Variants in PCGF2 observed in about 807,000 individuals in gnomAD.
PCGF2 encodes the protein polycomb group RING finger protein 2.
Under a neutral mutation model 36.1 loss-of-function variants are expected in PCGF2, and 8 were observed. The observed-to-expected ratio is 0.22, with a 90% confidence interval of 0.13 to 0.40. PCGF2 has a LOEUF of 0.40. Ranked by LOEUF, PCGF2 falls within the 10% of genes least tolerant of loss-of-function variation. The probability of loss-of-function intolerance (pLI) is 1.00; values close to 1 mark genes in which losing one functional copy is unlikely to be tolerated. For missense variants in PCGF2, 436 were observed against 475.9 expected (o/e 0.92, Z 0.78); for synonymous variants, 198 against 191.2 (o/e 1.04, Z -0.29).
upstream of PCGF2, among the ~76,000 whole-genome samples, chr17:38,748,612 C>T (rs1041981721): frequency 6.6e-6 from 1 of 152,124 alleles, no homozygotes; most frequent in African/African-American, 2.4e-5. Context: ...AGGATGGATT[C>T]TCTTATGTTA....
chr17:38,742,084 C>G (rs1338195143), intron 2 of PCGF2, among the ~76,000 whole-genome samples: 2 of 152,220 alleles, frequency 1.3e-5, no homozygotes, highest in African/African-American at 4.8e-5. Flanking sequence ...TGCTCGACAC[C>G]AGCCAGGCCC....
chr17:38,744,724 A>G (rs1316300551), intron 2 of PCGF2, among the ~76,000 whole-genome samples: 5 of 152,032 alleles, frequency 3.3e-5, no homozygotes, highest in African/African-American at 1.2e-4. Context: ...TCACTTCTTC[A>G]TGGTCCCCTG....
Position 38,739,994 on chromosome 17 carries a change from G to C in PCGF2, c.112+297C>G, listed in dbSNP as rs1049385253. ...TGCCTCTGAGTCCCACCCCCCTGCT[G>C]CCAAGCCCACAGTGCAAACAAGGGG... On this transcript the variant is annotated intron_variant, in intron 3 of 10. Transcript: ENST00000620225. This position sits in a 1 kb window ranked among gnomAD's most constrained non-coding sequence, Gnocchi z 4.0. 2.6e-5 allele frequency among the ~76,000 whole-genome samples: 4 copies of C among 152,210 alleles called. No homozygotes were observed. Among genetic ancestry groups the C allele is most frequent in the Non-Finnish European group, 5.9e-5 (4 of 68,034 alleles).
intron 10 of PCGF2, 63 bp downstream of exon 10, chr17:38,736,027 G>T: frequency 9.0e-7 from 1 of 1,107,360 alleles, no homozygotes; most frequent in Non-Finnish European, 1.3e-6. Flanking sequence ...GGCCCATGTG[G>T]CCACAGACCT....
At position 38,735,418 on chromosome 17, in the gene PCGF2, G is replaced by A; in HGVS notation, c.840C>T (p.Ala280=). The change falls in exon 11 of 11, where the codon GCC becomes GCT. Residue 280 remains alanine, a synonymous_variant. Coordinates refer to ENST00000620225, the MANE Select transcript of PCGF2 (RefSeq NM_007144.3). ...PATSSSLPSP[A]TPSHGSPSSH... ...AACTGGGAGAGCCATGGGATGGGGT[G>A]GCTGGGCTGGGCAGGGAGGAGGAGG... The A allele has an allele frequency of 6.4e-7, 1 of 1,574,576 alleles. No individual in the cohort carries two copies. Among genetic ancestry groups the A allele is most frequent in the South Asian group, 1.2e-5 (1 of 86,088 alleles).
At chr17:38,740,719 A>T (rs991777142) in intron 2 of PCGF2, among the ~76,000 whole-genome samples, 17 of 152,142 alleles carry the variant, frequency 1.1e-4, no homozygotes, top group Non-Finnish European at 2.5e-4. Flanking sequence ...AGATCATGCC[A>T]CTGCACTCCA....
In PCGF2 at chr17:38,739,310, C is replaced by A; in HGVS notation, c.210-57G>T. On this transcript the variant is annotated intron_variant, in intron 4 of 10. Coordinates refer to ENST00000620225, the MANE Select transcript of PCGF2 (RefSeq NM_007144.3). The surrounding 1 kb of genome is among the most constrained non-coding windows in gnomAD (Gnocchi z 4.0). ...TGCCTTCTCCAGAGCGCTCCGACCT[C>A]GCCCTGCTCTCCCAGCCAGGGTACC... is the stretch of plus-strand genomic sequence containing the variant. 2 of 1,494,970 alleles carry A rather than the reference C, an allele frequency of 1.3e-6. No individual in the cohort carries two copies. Among genetic ancestry groups the A allele is most frequent in the South Asian group, 2.3e-5 (2 of 88,624 alleles). The allele number at this position is 1,494,970 out of a possible 1,614,324, so 92.6% of individuals were successfully genotyped here.
rs530934256 is a variant in PCGF2 at position 38,743,092 on chromosome 17, C to A, written c.-40-2650G>T. ...GCTGTGTTTTCAAAGCAGACACTTG[C>A]TCTTTTTTTTTTTTTTTTGAGATAG... On this transcript the variant is annotated intron_variant, in intron 2 of 10. Transcript: ENST00000620225. Among the ~76,000 whole-genome samples the A allele has an allele frequency of 2.7e-3, 215 of 80,570 alleles. 1 individual carries two copies. The East Asian group carries it at 0.074, about 28-fold the overall frequency. 52.9% of individuals were successfully genotyped at this position (80,570 alleles called of 152,430 possible).
intron 9 of PCGF2, among the ~76,000 whole-genome samples, chr17:38,737,706 G>A (rs1906872914): frequency 1.3e-5 from 2 of 151,768 alleles, no homozygotes; most frequent in Admixed American, 6.6e-5. Flanking sequence ...GAGGTCAGGA[G>A]TTTAAGACCA....
Position 38,739,099 on chromosome 17 carries a change from C to T in PCGF2, c.285G>A (p.Arg95=), listed in dbSNP as rs781780710. 1 of 1,613,716 alleles carries T rather than the reference C, an allele frequency of 6.2e-7. No individual in the cohort carries two copies. The highest frequency in any genetic ancestry group is 1.7e-5 in the Admixed American group (1 of 60,016). The change falls in exon 6 of 11, where the codon CGG becomes CGA. Residue 95 remains arginine, a synonymous_variant. Transcript: ENST00000620225. This position sits in a 1 kb window ranked among gnomAD's most constrained non-coding sequence, Gnocchi z 4.0. ...GLFKDEMKRR[R]DFYAAYPLTE... The stretch of plus-strand genomic sequence containing the variant: ...TCAGGGGGTACGCTGCATAGAAATC[C>T]CGCCGCCGTTTCATCTCATCTGGAA...
At position 38,735,374 on chromosome 17, in the gene PCGF2, G is replaced by A; in HGVS notation, c.884C>T (p.Thr295Ile). ...AGGGGGAGTGGGGGAGGTAGGGTGG[G>A]TGGCTGGAGGCCCATGGGAACTGGG... ...GSPSSHGPPA[T>I]HPTSPTPPST... is the part of the protein sequence containing the mutation. Residue 295 changes from threonine to isoleucine, a missense_variant, in exon 11 of 11, where the codon ACC becomes ATC. Transcript: ENST00000620225. 1 of 1,564,448 alleles carries A rather than the reference G, an allele frequency of 6.4e-7. No individual in the cohort carries two copies. The highest frequency in any genetic ancestry group is 2.4e-5 in the East Asian group (1 of 42,258).
chr17:38,742,597 C>T (rs943138176), intron 2 of PCGF2, among the ~76,000 whole-genome samples: 4 of 152,192 alleles, frequency 2.6e-5, no homozygotes, highest in African/African-American at 9.6e-5. Context: ...GTTCCCACCC[C>T]ACGCAGGGTG....
chr17:38,736,003 G>T (rs984791797), intron 10 of PCGF2, 87 bp downstream of exon 10: 2 of 896,878 alleles, frequency 2.2e-6, no homozygotes, highest in South Asian at 1.4e-5. Context: ...GACTGTCTCT[G>T]ATTACAGAAG....
intron 2 of PCGF2, among the ~76,000 whole-genome samples, chr17:38,747,180 G>A (rs926404830): frequency 6.6e-6 from 1 of 152,104 alleles, no homozygotes; most frequent in African/African-American, 2.4e-5. Context: ...GAGCGATTAT[G>A]GGCAGACAGG....
intron 2 of PCGF2, among the ~76,000 whole-genome samples, chr17:38,746,114 T>C (rs1907520483): frequency 6.6e-6 from 1 of 152,032 alleles, no homozygotes; most frequent in Non-Finnish European, 1.5e-5. Context: ...GTCCCCACCA[T>C]GCATTGAAAA....
intron 9 of PCGF2, 29 bp from the exon 10 acceptor site, chr17:38,736,199 A>T (rs1391345170): frequency 6.7e-7 from 1 of 1,485,118 alleles, no homozygotes; most frequent in Non-Finnish European, 9.2e-7. Context: ...GGACACCATG[A>T]CCCTGGCCAG....
upstream of PCGF2, among the ~76,000 whole-genome samples, chr17:38,748,908 C>A (rs753812410): frequency 4.6e-5 from 7 of 152,164 alleles, no homozygotes; most frequent in Non-Finnish European, 1.0e-4. Flanking sequence ...ACTCCCCTTG[C>A]CCCCTCGGCG....
rs754086097 is a variant in PCGF2, at chr17:38,738,603, C to T, written c.426-8G>A. On this transcript the variant is annotated splice_polypyrimidine_tract_variant and splice_region_variant and intron_variant, in intron 7 of 10. Coordinates refer to ENST00000620225, the MANE Select transcript of PCGF2 (RefSeq NM_007144.3). ...TTCTTCTCGTCCCGGTCCCTGGGGA[C>T]GGAGAAAGAATGAAGCTAGGAAGAC... 29 of 1,567,760 alleles carry T rather than the reference C, an allele frequency of 1.8e-5. No individual in the cohort carries two copies. Among genetic ancestry groups the T allele is most frequent in the African/African-American group, 4.1e-5 (3 of 73,248 alleles).
intron 9 of PCGF2, among the ~76,000 whole-genome samples, chr17:38,736,782 G>T (rs774158207): frequency 1.3e-5 from 2 of 151,930 alleles, no homozygotes; most frequent in Admixed American, 6.6e-5. Context: ...TGCAGTGAGC[G>T]GAGATAGTGC....
Sources: allele counts gnomAD v4.1 joint callset (sites outside exome capture counted in the v4.1 genomes callset), GRCh38; gene constraint gnomAD v4.1.1; non-coding constraint Gnocchi (gnomAD v3.1); transcripts MANE v1.5; gene names NCBI Gene and HGNC (gene_info 2026-07-23, HGNC 2026-07-21).